The following CDKL3 variants were observed in gnomAD, a reference collection of about 807,000 sequenced individuals.
The protein encoded by CDKL3 is cyclin dependent kinase like 3.
In CDKL3, 65 loss-of-function variants were observed where a neutral mutation model predicts 69.3. The observed-to-expected ratio is 0.94, with a 90% confidence interval of 0.77 to 1.15. The LOEUF (loss-of-function observed/expected upper bound fraction) is 1.15. CDKL3 is among the 50% of genes most tolerant of loss of function. The pLI is 0.00. For synonymous variants in CDKL3, 202 were observed against 221.6 expected (o/e 0.91, Z 0.79); for missense variants, 652 against 689.2 (o/e 0.95, Z 0.61).
chr5:134,322,212 C>T (rs1772978626), intron 4 of CDKL3, among the ~76,000 whole-genome samples: 1 of 152,028 alleles, frequency 6.6e-6, no homozygotes, highest in Admixed American at 6.6e-5. Flanking sequence ...TGGGGTTTCA[C>T]CATGTTGGCC....
At chr5:134,309,533 G>A (rs1463374521) in intron 7 of CDKL3, among the ~76,000 whole-genome samples, 1 of 152,116 alleles carries the variant, frequency 6.6e-6, no homozygotes, top group Non-Finnish European at 1.5e-5. Flanking sequence ...TTTTTGATTA[G>A]AAAGTCCATT....
At chr5:134,351,042 C>A (rs1268339430) in intron 3 of CDKL3, among the ~76,000 whole-genome samples, 1 of 152,120 alleles carries the variant, frequency 6.6e-6, no homozygotes, top group Non-Finnish European at 1.5e-5. Context: ...TCCTACATTG[C>A]ATTAAACTTC....
At chr5:134,308,065 T>C (rs999248816) in intron 9 of CDKL3, 73 bp downstream of exon 9, 2 of 1,491,170 alleles carry the variant, frequency 1.3e-6, no homozygotes, top group African/African-American at 1.4e-5. Flanking sequence ...ACAGACACTA[T>C]GAACACGATT....
At chr5:134,366,734 C>T (rs1757532222) in intron 1 of CDKL3, among the ~76,000 whole-genome samples, 190 bp from the exon 2 acceptor site, 3 of 151,870 alleles carry the variant, frequency 2.0e-5, no homozygotes, top group Admixed American at 6.6e-5. Context: ...AGGTGTCCTT[C>T]TGAGGCTCCA....
intron 4 of CDKL3, among the ~76,000 whole-genome samples, chr5:134,349,324 C>T (rs1377286697): frequency 6.6e-6 from 1 of 152,130 alleles, no homozygotes; most frequent in African/African-American, 2.4e-5. Context: ...TCTCTTTATG[C>T]TCAAGATTGA....
At chr5:134,315,703 T>C (rs1023474480) in intron 6 of CDKL3, among the ~76,000 whole-genome samples, 1 of 152,098 alleles carries the variant, frequency 6.6e-6, no homozygotes, top group African/African-American at 2.4e-5. Flanking sequence ...TCTCCTGTAA[T>C]GACATAAATA....
At chr5:134,312,430 A>G in intron 6 of CDKL3, 50 bp from the exon 7 acceptor site, 1 of 925,422 alleles carries the variant, frequency 1.1e-6, no homozygotes, top group Non-Finnish European at 1.6e-6. Flanking sequence ...AGGGCTCCAT[A>G]TGGTAAAAAT....
At chr5:134,339,747 T>C (rs1195718168) in intron 4 of CDKL3, among the ~76,000 whole-genome samples, 1 of 152,150 alleles carries the variant, frequency 6.6e-6, no homozygotes, top group East Asian at 1.9e-4. Context: ...TGGAATAAAA[T>C]TAAATATTAA....
At chr5:134,299,925 C>T (rs1255767485) in intron 12 of CDKL3, among the ~76,000 whole-genome samples, 2 of 152,160 alleles carry the variant, frequency 1.3e-5, no homozygotes, top group African/African-American at 4.8e-5. Flanking sequence ...CAAAAGGTGG[C>T]CTTTGTATGG....
chr5:134,329,773 T>G (rs534024833), intron 4 of CDKL3, among the ~76,000 whole-genome samples: 15 of 152,184 alleles, frequency 9.9e-5, no homozygotes, highest in African/African-American at 3.6e-4. Flanking sequence ...TGTTAATTAA[T>G]TTTAAAAAGC....
At chr5:134,308,546 T>C (rs773126616) in intron 8 of CDKL3, 28 bp downstream of exon 8, 6 of 1,560,328 alleles carry the variant, frequency 3.8e-6, no homozygotes, top group South Asian at 3.7e-5. Context: ...ATAATTATAC[T>C]GGCTGAAACA....
chr5:134,371,370 T>TCCCGCCC, upstream of CDKL3: 1 of 644,240 alleles, frequency 1.6e-6, no homozygotes, highest in South Asian at 1.9e-5. Flanking sequence ...CGCTCCCGCG[T>TCCCGCCC]CCCGCCCCCT....
upstream of CDKL3, among the ~76,000 whole-genome samples, chr5:134,369,603 G>A (rs1290749291): frequency 1.8e-5 from 1 of 54,958 alleles, no homozygotes; most frequent in Non-Finnish European, 9.3e-5. Context: ...GGTTGTTGCG[G>A]GATTTTTTTG....
intron 8 of CDKL3, among the ~76,000 whole-genome samples, chr5:134,290,501 C>T (rs1765083293): frequency 6.6e-6 from 1 of 151,928 alleles, no homozygotes; most frequent in Non-Finnish European, 1.5e-5. Context: ...AACCATTGTG[C>T]TGCAGGAATT....
intron 4 of CDKL3, among the ~76,000 whole-genome samples, chr5:134,347,761 G>C (rs1752305676): frequency 7.1e-6 from 1 of 140,390 alleles, no homozygotes; most frequent in African/African-American, 2.7e-5. Context: ...AGTGAAAAAA[G>C]CTAGTCCCAA....
intron 6 of CDKL3, among the ~76,000 whole-genome samples, chr5:134,316,626 C>T (rs1409615451): frequency 2.0e-5 from 3 of 151,854 alleles, no homozygotes; most frequent in Non-Finnish European, 4.4e-5. Context: ...ATTGTCACAT[C>T]TTTACCAATA....
chr5:134,294,657 GAGA>G (rs2149405578), downstream of CDKL3, among the ~76,000 whole-genome samples: 1 of 151,924 alleles, frequency 6.6e-6, no homozygotes, highest in South Asian at 2.1e-4. Context: ...GAAGATGAAG[GAGA>G]AGAAGAAAGG....
chr5:134,308,418 T>C lies in CDKL3; in HGVS notation c.1084A>G (p.Lys362Glu). Residue 362 changes from lysine (K) to glutamate (E), a missense_variant, in exon 9 of 13, where the codon AAA becomes GAA. Transcript: ENST00000265334. ...KPKEIKVRVIKVKGGRGDISE... is the reference protein window; with the variant it reads ...KPKEIKVRVIEVKGGRGDISE... ...ATATCTCCTCTTCCTCCTTTGACTT[T>C]AATAACTCTGACTTTGATCTCCTTG... 1 of 1,613,322 alleles carries C rather than the reference T, an allele frequency of 6.2e-7. No homozygotes were observed. Among genetic ancestry groups the C allele is most frequent in the Non-Finnish European group, 8.5e-7 (1 of 1,179,798 alleles).
Position 134,331,212 on chromosome 5 carries a change from A to G in CDKL3, c.540-9309T>C, listed in dbSNP as rs544047428. 1.4e-4 allele frequency among the ~76,000 whole-genome samples: 21 copies of G among 152,324 alleles called. No individual in the cohort carries two copies. The South Asian group carries it at 4.4e-3, about 32-fold the overall frequency. On this transcript the variant is annotated intron_variant, in intron 4 of 12. Transcript: ENST00000265334. ...AATCGTCCCCTTCAATTAGGGCATG[A>G]ACAAGATAAATGTTTTCCTCACAAG...
Sources: gnomAD v4.1 joint callset for allele counts (sites outside exome capture counted in the v4.1 genomes callset) on GRCh38, gnomAD v4.1.1 for gene constraint, MANE v1.5 for transcripts, NCBI Gene and HGNC (gene_info 2026-07-23, HGNC 2026-07-21) for gene names.